The following SMC2 variants were observed in gnomAD, a reference collection of about 807,000 sequenced individuals.
The protein encoded by SMC2 is structural maintenance of chromosomes 2.
Under a neutral mutation model 142.6 loss-of-function variants are expected in SMC2, and 41 were observed. That is an observed-to-expected ratio of 0.29 (90% confidence interval 0.22 to 0.37). The LOEUF is 0.37. SMC2 is among the 10% of genes least tolerant of loss of function. The probability of loss-of-function intolerance (pLI) is 1.00; values close to 1 mark genes in which losing one functional copy is unlikely to be tolerated. For synonymous variants in SMC2, 463 were observed against 457.5 expected (o/e 1.01, Z -0.15); for missense variants, 1,265 against 1,373.7 (o/e 0.92, Z 1.25).
rs776518199 is a variant in SMC2 at position 104,113,994 on chromosome 9, G to A, written c.1445G>A (p.Arg482His). 1.1e-5 allele frequency: 18 copies of A among 1,590,360 alleles called. No individual in the cohort carries two copies. The highest frequency in any genetic ancestry group is 1.4e-5 in the Non-Finnish European group (16 of 1,172,562). The change falls in exon 12 of 25, where the codon CGC becomes CAC. Residue 482 changes from arginine (R) to histidine (H), a missense_variant. By Grantham distance (29) the Arg-to-His change is conservative. Coordinates refer to ENST00000374793, the MANE Select transcript of SMC2 (RefSeq NM_006444.3). ...AAAGAGGAAAGCCTTTTGGAAAAGC[G>A]CAGGCAGCTGTCTCGTGATATTGGT... is the stretch of plus-strand genomic sequence containing the variant. Reference protein sequence around the residue: ...ENKEESLLEKRRQLSRDIGRL... With the variant: ...ENKEESLLEKHRQLSRDIGRL...
chr9:104,106,809 G>C (rs549344915), intron 9 of SMC2, among the ~76,000 whole-genome samples: 7 of 152,244 alleles, frequency 4.6e-5, no homozygotes, highest in South Asian at 4.1e-4. Context: ...ATGGTGATGG[G>C]GTGGACCAAA....
In SMC2 at chr9:104,095,997, G is replaced by GT. The variant is rs1830411818; in HGVS notation, c.169-146dup. 2.2e-5 allele frequency: 14 copies of GT among 642,556 alleles called. No individual in the cohort carries two copies. The East Asian group carries it at 3.8e-4, about 18-fold the overall frequency. The allele number at this position is 642,556 out of a possible 1,614,324, so 39.8% of individuals were successfully genotyped here. A position where few individuals can be genotyped will look rare whatever the true frequency, so the allele number is the denominator to read the frequency against. ...TTGCAGGTTGTTGCCTATTTTCCTT[G>GT]TTTTTCTTGCCAGAGGATGCAGCTG... On this transcript the variant is annotated intron_variant, in intron 2 of 24. Coordinates refer to ENST00000374793, the MANE Select transcript of SMC2 (RefSeq NM_006444.3).
At position 104,100,085 on chromosome 9, in the gene SMC2, C is replaced by T. The variant is rs200865093; in HGVS notation, c.481-8C>T. ...GGATACTAAACATTAATAAAATTGT[C>T]ATTCCAGATTTTATCCATGATAGAA... On this transcript the variant is annotated splice_region_variant and splice_polypyrimidine_tract_variant and intron_variant, in intron 5 of 24. Transcript: ENST00000374793. 3 of 1,411,956 alleles carry T rather than the reference C, an allele frequency of 2.1e-6. No homozygotes were observed. Among genetic ancestry groups the T allele is most frequent in the Non-Finnish European group, 2.9e-6 (3 of 1,021,868 alleles). 87.5% of individuals were successfully genotyped at this position (1,411,956 alleles called of 1,614,324 possible). A position where few individuals can be genotyped will look rare whatever the true frequency, so the allele number is the denominator to read the frequency against.
At chr9:104,088,728 T>G in the SMC2 span, among the ~76,000 whole-genome samples, 1 of 152,206 alleles carries the variant, frequency 6.6e-6, no homozygotes, top group African/African-American at 2.4e-5. Context: ...CAATCTACTC[T>G]ATTTAGATGA....
chr9:104,095,620 A>G (rs989652564), intron 2 of SMC2, 68 bp downstream of exon 2: 4 of 1,245,950 alleles, frequency 3.2e-6, no homozygotes, highest in Non-Finnish European at 4.6e-6. Flanking sequence ...AACTTTGGAG[A>G]CGTCCCGATA....
At chr9:104,109,971 C>T (rs1177617927) in intron 9 of SMC2, among the ~76,000 whole-genome samples, 1 of 152,156 alleles carries the variant, frequency 6.6e-6, no homozygotes, top group Non-Finnish European at 1.5e-5. Context: ...ATAGAACATA[C>T]TACACTATTA....
chr9:104,134,393 CTTT>C lies in SMC2; in HGVS notation c.3109-18_3109-16del, dbSNP rs748748615. On this transcript the variant is annotated intron_variant, in intron 22 of 24. Transcript: ENST00000374793. The stretch of plus-strand genomic sequence containing the variant: ...CTTGGAAAGCATCCTGATGTTTTAA[CTTT>C]TTTATTTTTTAAATCCAGGTGAACA... 6 of 1,555,926 alleles carry C rather than the reference CTTT, an allele frequency of 3.9e-6. No homozygotes were observed. In the African/African-American group the frequency reaches 7.0e-5, roughly 18 times the overall value.
At chr9:104,110,762 G>A (rs111716356) in intron 9 of SMC2, among the ~76,000 whole-genome samples, 13 of 152,086 alleles carry the variant, frequency 8.5e-5, no homozygotes, top group African/African-American at 2.7e-4. Context: ...AAGTATTTGC[G>A]CAGTCACTCC....
rs770406722 is a variant in SMC2 at position 104,126,718 on chromosome 9, A to G, written c.2529A>G (p.Val843=). The G allele has an allele frequency of 5.0e-6, 8 of 1,612,804 alleles. No homozygotes were observed. Among genetic ancestry groups the G allele is most frequent in the South Asian group, 4.4e-5 (4 of 91,050 alleles). Residue 843 remains valine, a synonymous_variant, in exon 19 of 25, where the codon GTA becomes GTG. Coordinates refer to ENST00000374793, the MANE Select transcript of SMC2 (RefSeq NM_006444.3). ...HTSYKQQLEA[V]NEAIKSYESQ... ...CTTACAAACAACAGCTTGAAGCTGT[A>G]AATGAAGCTATCAAATCCTATGAAA...
At position 104,096,289 on chromosome 9, in the gene SMC2, A is replaced by G; in HGVS notation, c.310A>G (p.Thr104Ala). The G allele has an allele frequency of 2.5e-6, 4 of 1,614,112 alleles. No homozygotes were observed. The highest frequency in any genetic ancestry group is 3.4e-6 in the Non-Finnish European group (4 of 1,179,964). The change falls in exon 3 of 25, where the codon ACA becomes GCA. Residue 104 changes from threonine to alanine, a missense_variant. Around this residue, in one of 4 missense-constraint regions of SMC2, gnomAD observed 168 missense variants for 184.8 expected, o/e 0.91. Coordinates refer to ENST00000374793, the MANE Select transcript of SMC2 (RefSeq NM_006444.3). ...GFEVHDEITV[T>A]RQVVIGGRNK... Reference sequence around the variant, plus strand: ...TGAGGTTCATGATGAAATCACAGTAACAAGGCAGGTGAGTGGCAATTAAAC... The same window carrying G: ...TGAGGTTCATGATGAAATCACAGTAGCAAGGCAGGTGAGTGGCAATTAAAC...
chr9:104,098,437 C>A lies in SMC2; in HGVS notation c.319-9C>A, dbSNP rs541559030. 245 of 1,574,270 alleles carry A rather than the reference C, an allele frequency of 1.6e-4. 4 individuals are homozygous for A. In the South Asian group the frequency reaches 2.8e-3, roughly 18 times the overall value. ...ACATTAATATTTAAAAAATTGCTTT[C>A]TTTTATAGGTGGTTATTGGTGGTAG... On this transcript the variant is annotated splice_polypyrimidine_tract_variant and intron_variant, in intron 3 of 24. Transcript: ENST00000374793.
intron 5 of SMC2, 95 bp downstream of exon 5, chr9:104,099,777 G>A: frequency 1.2e-6 from 1 of 815,428 alleles, no homozygotes; most frequent in Non-Finnish European, 2.0e-6. Flanking sequence ...AATTTTTGGA[G>A]ACATTATTTG....
chr9:104,092,906 G>A (rs776880462), upstream of SMC2: 6 of 152,130 alleles, frequency 3.9e-5, no homozygotes, highest in Admixed American at 6.5e-5. Flanking sequence ...GACGGTTTTA[G>A]CAAGTGGCAT....
At chr9:104,097,508 GAAAAAAAAAA>G (rs59646608) in intron 3 of SMC2, among the ~76,000 whole-genome samples, 1 of 121,874 alleles carries the variant, frequency 8.2e-6, no homozygotes, top group African/African-American at 3.0e-5. Flanking sequence ...GCCTCTGGTT[GAAAAAAAAAA>G]AAAAAAAAGA....
At position 104,141,144 on chromosome 9, in the gene SMC2, T is replaced by G. The variant is rs976121960; in HGVS notation, c.*1829T>G. On this transcript the variant is annotated 3_prime_UTR_variant, in exon 25 of 25. Coordinates refer to ENST00000374793, the MANE Select transcript of SMC2 (RefSeq NM_006444.3). ...GAGTTAACTAATATTTAACAAGCTC[T>G]TTCTTTACATTAGCTGCTGTTCTCA... is the stretch of plus-strand genomic sequence containing the variant. 4 of 152,262 alleles carry G rather than the reference T, an allele frequency of 2.6e-5. No individual in the cohort carries two copies. Among genetic ancestry groups the G allele is most frequent in the African/African-American group, 9.6e-5 (4 of 41,480 alleles). The allele number at this position is 152,262 out of a possible 1,614,324, so 9.4% of individuals were successfully genotyped here.
chr9:104,107,036 C>A (rs1831879322), intron 9 of SMC2, among the ~76,000 whole-genome samples: 1 of 152,138 alleles, frequency 6.6e-6, no homozygotes, highest in South Asian at 2.1e-4. Flanking sequence ...CAAAGCATCC[C>A]CTGTGGTTTG....
intron 23 of SMC2, among the ~76,000 whole-genome samples, chr9:104,137,434 G>GAATTT (rs1293246859): frequency 1.3e-5 from 2 of 152,064 alleles, no homozygotes; most frequent in African/African-American, 4.8e-5. Context: ...GTGTAACTAT[G>GAATTT]AATTTTACAT....
intron 13 of SMC2, 32 bp from the exon 14 acceptor site, chr9:104,116,168 A>T: frequency 1.3e-6 from 2 of 1,551,882 alleles, no homozygotes; most frequent in Non-Finnish European, 1.7e-6. Context: ...CATTTTTAAC[A>T]TGCGTTTTTT....
intron 14 of SMC2, among the ~76,000 whole-genome samples, chr9:104,117,014 T>C (rs1381450786): frequency 2.0e-5 from 3 of 152,210 alleles, no homozygotes; most frequent in African/African-American, 4.8e-5. Flanking sequence ...CTTAAAAATA[T>C]ACTTGTAACT....
Sources: allele counts gnomAD v4.1 joint callset (sites outside exome capture counted in the v4.1 genomes callset), GRCh38; gene constraint gnomAD v4.1.1; regional missense constraint gnomAD v4.1.1; transcripts MANE v1.5; gene names NCBI Gene and HGNC (gene_info 2026-07-23, HGNC 2026-07-21).